Variants in TNRC6C observed in about 807,000 individuals in gnomAD.
TNRC6C encodes the protein trinucleotide repeat-containing gene 6C protein.
In TNRC6C, 20 loss-of-function variants were observed where a neutral mutation model predicts 153.7. The ratio of observed to expected loss-of-function variants is 0.13; its 90% confidence interval spans 0.09 to 0.19. TNRC6C has a LOEUF of 0.19. Among genes scored for constraint, TNRC6C ranks in the 10% least tolerant of loss-of-function variants. TNRC6C has a pLI of 1.00. For synonymous variants in TNRC6C, 811 were observed against 841.4 expected (o/e 0.96, Z 0.63); for missense variants, 1,987 against 2,172.0 (o/e 0.91, Z 1.69).
chr17:78,092,660 G>A (rs746274292), intron 14 of TNRC6C, among the ~76,000 whole-genome samples: 10 of 152,108 alleles, frequency 6.6e-5, no homozygotes, highest in East Asian at 1.9e-4. Context: ...TGGGAGGATC[G>A]CTTGAGCCCA....
chr17:78,008,922 C>T (rs2071571731), intron 1 of TNRC6C: 1 of 152,202 alleles, frequency 6.6e-6, no homozygotes, highest in Admixed American at 6.5e-5. Flanking sequence ...TGCTCCCCCG[C>T]AGTTAGCACT....
At chr17:77,993,652 T>C (rs1452358939) in intron 1 of TNRC6C, among the ~76,000 whole-genome samples, 2 of 152,154 alleles carry the variant, frequency 1.3e-5, no homozygotes, top group African/African-American at 4.8e-5. Flanking sequence ...GGTAGTTCCC[T>C]TAGGATCTCT....
At chr17:78,036,296 G>A (rs914730356) in intron 2 of TNRC6C, among the ~76,000 whole-genome samples, 9 of 152,182 alleles carry the variant, frequency 5.9e-5, no homozygotes, top group African/African-American at 1.7e-4. Context: ...AGGAATTGAC[G>A]GAGTTTGAGT....
exon 5 of TNRC6C, chr17:78,067,820 A>G: frequency 6.2e-7 from 1 of 1,613,954 alleles, no homozygotes; most frequent in South Asian, 1.1e-5. Context: ...AGTACCAGCC[A>G]GTGGGAGGAT....
chr17:78,101,450 G>T (rs1483204972), intron 17 of TNRC6C, among the ~76,000 whole-genome samples: 1 of 152,132 alleles, frequency 6.6e-6, no homozygotes, highest in Non-Finnish European at 1.5e-5. Context: ...TCCAACCTCT[G>T]CCTGTTACCC....
Position 78,099,020 on chromosome 17 carries a change from A to G in TNRC6C, c.4501+483A>G, listed in dbSNP as rs539258594. Among the ~76,000 whole-genome samples, 28 of 152,316 alleles carry G rather than the reference A, an allele frequency of 1.8e-4. No homozygotes were observed. In the East Asian group the frequency reaches 2.7e-3, roughly 15 times the overall value. ...CAAACCCCACCAGTTTGAAAAAACAACTCTCATAATATTGCAGCTTCTCTC... is the reference window on the plus strand; with the variant it reads ...CAAACCCCACCAGTTTGAAAAAACAGCTCTCATAATATTGCAGCTTCTCTC... On this transcript the variant is annotated intron_variant, in intron 17 of 19. Transcript: ENST00000301624.
At chr17:77,969,549 A>C (rs1404979202) in intron 1 of TNRC6C, among the ~76,000 whole-genome samples, 1 of 152,000 alleles carries the variant, frequency 6.6e-6, no homozygotes, top group African/African-American at 2.4e-5. Context: ...CACGCCCGGC[A>C]ATTTCCATTA....
chr17:77,996,687 A>C lies in TNRC6C; in HGVS notation c.-37-7483A>C, dbSNP rs534265911. Among the ~76,000 whole-genome samples, 5 of 152,262 alleles carry C rather than the reference A, an allele frequency of 3.3e-5. No individual in the cohort carries two copies. The East Asian group carries it at 9.6e-4, about 29-fold the overall frequency. On this transcript the variant is annotated intron_variant, in intron 1 of 22. Transcript: ENST00000636222. ...AGTTCCCTTCTTTGGTGTTGGCTTC[A>C]TTTTTTGGCTCTCTCTGGTTGAAAG...
chr17:78,087,210 A>G, intron 13 of TNRC6C, 117 bp downstream of exon 15: 1 of 1,470,258 alleles, frequency 6.8e-7, no homozygotes, highest in South Asian at 1.4e-5. Flanking sequence ...CTGAAACCAT[A>G]GCCTGTTGGA....
At chr17:77,973,622 T>G (rs1262114335) in intron 1 of TNRC6C, among the ~76,000 whole-genome samples, 1 of 152,238 alleles carries the variant, frequency 6.6e-6, no homozygotes, top group Non-Finnish European at 1.5e-5. Context: ...TTACTTGAAC[T>G]AGTAAATAAG....
intron 7 of TNRC6C, among the ~76,000 whole-genome samples, chr17:78,073,851 T>G (rs892402618): frequency 1.3e-5 from 2 of 152,214 alleles, no homozygotes; most frequent in African/African-American, 4.8e-5. Context: ...TTTATTTGGC[T>G]TTCATACTCA....
chr17:77,979,750 C>T (rs867709197), intron 1 of TNRC6C, among the ~76,000 whole-genome samples: 3 of 150,554 alleles, frequency 2.0e-5, no homozygotes, highest in Non-Finnish European at 4.4e-5. Context: ...AGAATCAATA[C>T]CAAAAAACAA....
intron 3 of TNRC6C, 44 bp downstream of exon 5, chr17:78,051,492 A>T: frequency 1.4e-6 from 2 of 1,396,788 alleles, no homozygotes; most frequent in African/African-American, 1.5e-5. Context: ...AAAAAAAAAA[A>T]AAAAAAGCTT....
intron 2 of TNRC6C, among the ~76,000 whole-genome samples, chr17:78,036,591 A>G (rs1392734141): frequency 6.6e-6 from 1 of 152,198 alleles, no homozygotes; most frequent in African/African-American, 2.4e-5. Context: ...GTATATTTAT[A>G]TACTGTTACA....
Position 78,049,987 on chromosome 17 carries a change from C to T in TNRC6C, c.925C>T (p.Leu309Phe), listed in dbSNP as rs1298146347. 1.2e-6 allele frequency: 2 copies of T among 1,614,004 alleles called. No individual in the cohort carries two copies. Residue 309 changes from leucine (L) to phenylalanine (F), a missense_variant, in exon 3 of 20, where the codon CTC (leucine) becomes TTC (phenylalanine). Coordinates refer to ENST00000301624, the Ensembl canonical transcript of TNRC6C. The surrounding 1 kb of genome is among the most constrained non-coding windows in gnomAD (Gnocchi z 4.1). ...AGGACCTCCTGCTGGTCCTGGAATA[C>T]TCGCCTGGGGAAGGGGCAGTGGCAA... is the stretch of plus-strand genomic sequence containing the variant.
exon 3 of TNRC6C, chr17:78,050,891 G>A (rs1185208065): frequency 6.2e-7 from 1 of 1,613,794 alleles, no homozygotes; most frequent in Admixed American, 1.7e-5. Flanking sequence ...GGACACTTGG[G>A]GGATGGGAAA....
chr17:78,049,143 C>T lies in TNRC6C; in HGVS notation c.81C>T (p.Leu27=), dbSNP rs1306949367. Residue 27 remains leucine (L), a synonymous_variant, in exon 3 of 20, where the codon CTC becomes CTT. Coordinates refer to ENST00000301624, the Ensembl canonical transcript of TNRC6C. The surrounding 1 kb of genome is among the most constrained non-coding windows in gnomAD (Gnocchi z 4.1). ...GCAATAATGGCACCAATGGCGCACT[C>T]GTCCAAAGCCCTTCTAATCAGAGTG... is the stretch of plus-strand genomic sequence containing the variant. 8.1e-6 allele frequency: 13 copies of T among 1,606,066 alleles called. No individual in the cohort carries two copies. The highest frequency in any genetic ancestry group is 9.4e-6 in the Non-Finnish European group (11 of 1,176,218).
rs777991262 is a variant in TNRC6C at position 78,005,098 on chromosome 17, A to AG, written c.-546+25dup. ...ACCAAAGGTAAGTTTATTTATATTT[A>AG]GGGGGGTACATTTATGGCGGTACCA... is the stretch of plus-strand genomic sequence containing the variant. On this transcript the variant is annotated intron_variant, in intron 1 of 19. Coordinates refer to ENST00000301624, the Ensembl canonical transcript of TNRC6C. The AG allele has an allele frequency of 8.2e-7, 1 of 1,226,324 alleles. No individual in the cohort carries two copies. Among genetic ancestry groups the AG allele is most frequent in the African/African-American group, 1.6e-5 (1 of 63,454 alleles). The allele number at this position is 1,226,324 out of a possible 1,614,324, so 76.0% of individuals were successfully genotyped here. A position where few individuals can be genotyped will look rare whatever the true frequency, so the allele number is the denominator to read the frequency against.
At chr17:78,083,991 G>A (rs2073228467) in intron 11 of TNRC6C, among the ~76,000 whole-genome samples, 1 of 152,066 alleles carries the variant, frequency 6.6e-6, no homozygotes, top group African/African-American at 2.4e-5. Context: ...CCTAGAAAAT[G>A]ACCAGGAATC....
Sources: gnomAD v4.1 joint callset for allele counts (sites outside exome capture counted in the v4.1 genomes callset) on GRCh38, gnomAD v4.1.1 for gene constraint, Gnocchi (gnomAD v3.1) non-coding constraint, MANE v1.5 for transcripts, NCBI Gene and HGNC (gene_info 2026-07-23, HGNC 2026-07-21) for gene names.